Variants in TAFA1 observed in about 807,000 individuals in gnomAD.
The protein encoded by TAFA1 is TAFA chemokine like family member 1, also known as chemokine-like protein TAFA-1.
In TAFA1, 4 loss-of-function variants were observed where a neutral mutation model predicts 18.5. The observed-to-expected ratio is 0.22, with a 90% CI of 0.11 to 0.49. TAFA1 has a LOEUF of 0.49. TAFA1 is among the 20% of genes least tolerant of loss of function. TAFA1 has a pLI of 0.98. For missense variants in TAFA1, 147 were observed against 169.0 expected (o/e 0.87, Z 0.72); for synonymous variants, 56 against 55.2 (o/e 1.01, Z -0.06).
chr3:68,075,707 T>A (rs2064815034), intron 2 of TAFA1, among the ~76,000 whole-genome samples: 2 of 151,946 alleles, frequency 1.3e-5, no homozygotes, highest in South Asian at 4.2e-4. Context: ...CCTTTTTTTT[T>A]TTTTTTTTGG....
intron 2 of TAFA1, among the ~76,000 whole-genome samples, chr3:68,199,123 A>G (rs531903296): frequency 6.6e-6 from 1 of 151,672 alleles, no homozygotes; most frequent in African/African-American, 2.4e-5. Flanking sequence ...TTTGTTAACA[A>G]CACTATCTTT....
intron 2 of TAFA1, among the ~76,000 whole-genome samples, chr3:68,173,782 G>GCCCTT: frequency 6.6e-6 from 1 of 151,966 alleles, no homozygotes; most frequent in Admixed American, 6.6e-5. Flanking sequence ...TGTTTTTAGA[G>GCCCTT]CCCTTCCCTT....
chr3:68,000,617 G>A (rs760412987), upstream of TAFA1, among the ~76,000 whole-genome samples: 189 of 152,284 alleles, frequency 1.2e-3, no homozygotes, highest in Non-Finnish European at 2.0e-3. Flanking sequence ...CTATTGAAAG[G>A]CTTTTAAGTA....
chr3:68,508,690 A>G (rs1325937571), intron 3 of TAFA1, among the ~76,000 whole-genome samples: 1 of 152,162 alleles, frequency 6.6e-6, no homozygotes, highest in Non-Finnish European at 1.5e-5. Context: ...GGGAAATCAG[A>G]CAAAAATAAC....
chr3:68,384,169 T>C lies in TAFA1; in HGVS notation c.119-33111T>C, dbSNP rs112654458. On this transcript the variant is annotated intron_variant, in intron 2 of 4. Coordinates refer to ENST00000478136, the MANE Select transcript of TAFA1 (RefSeq NM_213609.4). Reference sequence around the variant, plus strand: ...GATATTTTAAATGGCTTTTCATGTGTCAGTCTTCTTCAGTTCAGCTCTAAT... The same window carrying C: ...GATATTTTAAATGGCTTTTCATGTGCCAGTCTTCTTCAGTTCAGCTCTAAT... Among the ~76,000 whole-genome samples, 375 of 152,196 alleles carry C rather than the reference T, an allele frequency of 2.5e-3. 4 individuals are homozygous for C. Among genetic ancestry groups the C allele is most frequent in the African/African-American group, 8.0e-3 (331 of 41,546 alleles).
chr3:68,499,672 A>G (rs1187479406), intron 3 of TAFA1, among the ~76,000 whole-genome samples: 2 of 151,964 alleles, frequency 1.3e-5, no homozygotes, highest in South Asian at 4.1e-4. Context: ...GAACTAAGGT[A>G]TTATTTGATA....
intron 3 of TAFA1, among the ~76,000 whole-genome samples, chr3:68,457,533 G>A (rs866445564): frequency 1.3e-5 from 2 of 152,052 alleles, no homozygotes; most frequent in South Asian, 2.1e-4. Flanking sequence ...AATTCATGTT[G>A]CTCAAGGGCC....
chr3:68,145,191 C>A (rs536044772), intron 2 of TAFA1: 86 of 811,986 alleles, frequency 1.1e-4, no homozygotes, highest in Non-Finnish European at 1.8e-4. Flanking sequence ...ATACCACCTG[C>A]TACAAAATCT....
At chr3:68,396,955 A>G (rs2070393335) in intron 2 of TAFA1, among the ~76,000 whole-genome samples, 1 of 152,052 alleles carries the variant, frequency 6.6e-6, no homozygotes, top group Non-Finnish European at 1.5e-5. Flanking sequence ...CTCATCCTCA[A>G]TGGCATCTTC....
At chr3:68,429,983 A>C (rs546950616) in intron 3 of TAFA1, among the ~76,000 whole-genome samples, 1 of 152,052 alleles carries the variant, frequency 6.6e-6, no homozygotes, top group Non-Finnish European at 1.5e-5. Context: ...TTATTTTTGG[A>C]GTATTGACTA....
chr3:68,472,555 A>G (rs2072019819), intron 3 of TAFA1, among the ~76,000 whole-genome samples: 3 of 152,104 alleles, frequency 2.0e-5, no homozygotes, highest in Non-Finnish European at 2.9e-5. Flanking sequence ...AAATGGGGGA[A>G]ATTTGAACAA....
At chr3:68,172,705 G>A (rs2066071735) in intron 2 of TAFA1, among the ~76,000 whole-genome samples, 2 of 151,936 alleles carry the variant, frequency 1.3e-5, no homozygotes, top group Non-Finnish European at 2.9e-5. Context: ...ATGACATACC[G>A]ATACATGCTA....
chr3:68,507,455 C>T (rs1355877966), intron 3 of TAFA1, among the ~76,000 whole-genome samples: 1 of 151,936 alleles, frequency 6.6e-6, no homozygotes, highest in African/African-American at 2.4e-5. Flanking sequence ...GTTGTCAGAT[C>T]AGGGCAAAAA....
upstream of TAFA1, among the ~76,000 whole-genome samples, chr3:68,003,210 G>A (rs1341760293): frequency 2.0e-5 from 3 of 152,210 alleles, no homozygotes; most frequent in Admixed American, 1.3e-4. Context: ...CAAGACTGAC[G>A]AGTCTGAAGG....
chr3:68,473,538 T>G (rs1217933889), intron 3 of TAFA1, among the ~76,000 whole-genome samples: 1 of 152,170 alleles, frequency 6.6e-6, no homozygotes, highest in Admixed American at 6.6e-5. Context: ...CAGGTAGCAT[T>G]ATTTCCATCA....
At chr3:67,992,546 A>T in the TAFA1 span, among the ~76,000 whole-genome samples, 3 of 152,216 alleles carry the variant, frequency 2.0e-5, no homozygotes, top group South Asian at 4.1e-4. Context: ...GAAGGACAGC[A>T]TACTTCATGT....
chr3:68,527,787 AC>A (rs2073129396), intron 3 of TAFA1, among the ~76,000 whole-genome samples: 1 of 152,102 alleles, frequency 6.6e-6, no homozygotes, highest in Admixed American at 6.6e-5. Flanking sequence ...ATAAAAAATA[AC>A]TTTTGTCTCA....
chr3:68,065,281 A>G (rs897638519), intron 2 of TAFA1, among the ~76,000 whole-genome samples: 2 of 152,010 alleles, frequency 1.3e-5, no homozygotes, highest in African/African-American at 2.4e-5. Context: ...AATTTGTTTT[A>G]CTTGGGATTT....
chr3:68,462,635 A>T (rs1205501229), intron 3 of TAFA1, among the ~76,000 whole-genome samples: 1 of 152,136 alleles, frequency 6.6e-6, no homozygotes, highest in Non-Finnish European at 1.5e-5. Flanking sequence ...GTTCCTTTTC[A>T]TTACTTTATA....
Sources: allele counts gnomAD v4.1 joint callset (sites outside exome capture counted in the v4.1 genomes callset), GRCh38; gene constraint gnomAD v4.1.1; transcripts MANE v1.5; gene names NCBI Gene and HGNC (gene_info 2026-07-23, HGNC 2026-07-21).